Variants in DRC3 observed in about 807,000 individuals in gnomAD.
DRC3 encodes the protein dynein regulatory complex subunit 3.
A neutral mutation model predicts 57.6 loss-of-function variants in DRC3; 45 were observed. The ratio of observed to expected loss-of-function variants is 0.78; its 90% confidence interval spans 0.62 to 1.00. The LOEUF (loss-of-function observed/expected upper bound fraction) is 1.00, where lower values mean the gene tolerates loss of function less well. Ranked by LOEUF, DRC3 falls within the 50% of genes least tolerant of loss-of-function variation. The pLI, the probability that DRC3 is intolerant of heterozygous loss-of-function variation, is 0.00. For synonymous variants in DRC3, 257 were observed against 272.3 expected (o/e 0.94, Z 0.55); for missense variants, 655 against 675.2 (o/e 0.97, Z 0.33).
chr17:18,000,209 T>C (rs2043655213), intron 9 of DRC3, among the ~76,000 whole-genome samples: 1 of 150,866 alleles, frequency 6.6e-6, no homozygotes. Flanking sequence ...TGTGTGTGTG[T>C]GTGCATAGCA....
intron 12 of DRC3, among the ~76,000 whole-genome samples, chr17:18,013,648 G>A (rs2044248246): frequency 6.6e-6 from 1 of 152,202 alleles, no homozygotes. Flanking sequence ...AGGGTAGAGA[G>A]ATGGAGGAAT....
chr17:18,005,873 G>A (rs1254074319), intron 10 of DRC3: 4 of 362,800 alleles, frequency 1.1e-5, no homozygotes, highest in East Asian at 5.4e-5. Context: ...AAGGAGAGGG[G>A]GTTGGCTGTG....
intron 3 of DRC3, among the ~76,000 whole-genome samples, chr17:17,982,700 A>G (rs1221923280): frequency 1.4e-5 from 2 of 140,978 alleles, no homozygotes; most frequent in Non-Finnish European, 1.5e-5. Flanking sequence ...TCAGCCTCCC[A>G]AGTAGCTGGG....
chr17:17,996,842 T>C (rs1325453658), intron 8 of DRC3, among the ~76,000 whole-genome samples: 3 of 152,186 alleles, frequency 2.0e-5, no homozygotes, highest in Non-Finnish European at 4.4e-5. Context: ...CAAGGTCCTG[T>C]AGGCTTTACC....
At chr17:18,004,644 GTT>G (rs1345398085) in intron 10 of DRC3, 150 bp downstream of exon 10, 4 of 766,182 alleles carry the variant, frequency 5.2e-6, no homozygotes, top group Admixed American at 5.9e-5. Flanking sequence ...CATCAGTCCT[GTT>G]TGCTTTTATT....
chr17:17,982,149 C>T (rs926041813), intron 3 of DRC3, among the ~76,000 whole-genome samples: 1 of 152,056 alleles, frequency 6.6e-6, no homozygotes, highest in African/African-American at 2.4e-5. Flanking sequence ...CGTGTCACCA[C>T]GCCCAACTAA....
At chr17:17,999,931 C>T (rs563940532) in intron 9 of DRC3, among the ~76,000 whole-genome samples, 17 of 149,674 alleles carry the variant, frequency 1.1e-4, no homozygotes, top group Non-Finnish European at 1.8e-4. Context: ...TGTGTGTGTG[C>T]GTGCGTGCAC....
rs775329671 is a variant in DRC3 at position 17,999,662 on chromosome 17, C to T, written c.999+2028C>T. Among the ~76,000 whole-genome samples the T allele has an allele frequency of 5.9e-5, 9 of 152,324 alleles. No homozygotes were observed. In the South Asian group the frequency reaches 1.9e-3, roughly 32 times the overall value. On this transcript the variant is annotated intron_variant, in intron 9 of 13. Coordinates refer to ENST00000399187, the MANE Select transcript of DRC3 (RefSeq NM_031294.4). Reference sequence around the variant, plus strand: ...CTCAGGCAGACTCCTCACTGGTGACCCAGAGACACATTATTGACCCTCTCC... The same window carrying T: ...CTCAGGCAGACTCCTCACTGGTGACTCAGAGACACATTATTGACCCTCTCC...
At chr17:18,002,309 T>C (rs1216635197) in intron 9 of DRC3, among the ~76,000 whole-genome samples, 1 of 152,198 alleles carries the variant, frequency 6.6e-6, no homozygotes, top group African/African-American at 2.4e-5. Flanking sequence ...AGGGTAGCTA[T>C]TATTATGTCA....
At chr17:17,983,776 G>C in intron 3 of DRC3, 52 bp from the exon 4 acceptor site, 1 of 1,345,404 alleles carries the variant, frequency 7.4e-7, no homozygotes, top group South Asian at 1.2e-5. Context: ...CTGTACACTA[G>C]CACAAAACTC....
intron 8 of DRC3, chr17:17,995,457 T>A: frequency 9.2e-6 from 2 of 217,030 alleles, no homozygotes; most frequent in Non-Finnish European, 1.9e-5. Context: ...CTGGCATTTA[T>A]TGTTTTCTCA....
At chr17:17,977,859 A>G in intron 3 of DRC3, 101 bp downstream of exon 3, 1 of 1,282,068 alleles carries the variant, frequency 7.8e-7, no homozygotes, top group Non-Finnish European at 1.1e-6. Flanking sequence ...TCCACGGTCG[A>G]GGTTCCCACA....
At chr17:17,981,388 T>C (rs1409098165) in intron 3 of DRC3, 2 of 182,854 alleles carry the variant, frequency 1.1e-5, no homozygotes, top group Non-Finnish European at 2.5e-5. Flanking sequence ...CCAGCTGTGG[T>C]CATTGTAGAC....
In DRC3 at chr17:17,977,659, G is replaced by A. The variant is rs1335904324; in HGVS notation, c.61G>A (p.Ala21Thr). 1 of 1,613,866 alleles carries A rather than the reference G, an allele frequency of 6.2e-7. No homozygotes were observed. Among genetic ancestry groups the A allele is most frequent in the Non-Finnish European group, 8.5e-7 (1 of 1,179,884 alleles). Residue 21 changes from alanine (A) to threonine (T), a missense_variant, in exon 3 of 14, where the codon GCC becomes ACC. Ala to Thr is a moderately conservative substitution (Grantham distance 58). Transcript: ENST00000399187. ...GATGGACGATGACATGCTCAAGCTG[G>A]CCGTCGGGGACCAGGGCCCCCAGGA... ...RVMDDDMLKL[A>T]VGDQGPQEEA...
rs148107258 is a variant in DRC3, at chr17:18,004,387, T to C, written c.1024T>C (p.Leu342=). 5.6e-6 allele frequency: 9 copies of C among 1,606,014 alleles called. No homozygotes were observed. Among genetic ancestry groups the C allele is most frequent in the South Asian group, 3.4e-5 (3 of 89,408 alleles). The change falls in exon 10 of 14, where the codon TTG becomes CTG. Residue 342 remains leucine, a synonymous_variant. Transcript: ENST00000399187. The part of the protein sequence containing the change: ...LSSLSAIREE[L]ELPNIEKMIL... The stretch of plus-strand genomic sequence containing the variant: ...GAGTTTAAGTGCCATTCGAGAGGAG[T>C]TGGAACTGCCCAACATTGAGAAGAT...
chr17:18,005,856 A>C (rs2043929424), intron 10 of DRC3: 1 of 319,988 alleles, frequency 3.1e-6, no homozygotes, highest in Non-Finnish European at 6.0e-6. Flanking sequence ...TGTCACTGGG[A>C]AACCCAAAGG....
At chr17:18,010,879 C>G in intron 12 of DRC3, 1 of 360,442 alleles carries the variant, frequency 2.8e-6, no homozygotes, top group South Asian at 2.3e-5. Flanking sequence ...TCTCTTCTCC[C>G]CGCCCATCAA....
In DRC3 at chr17:18,006,976, C is replaced by T. The variant is rs371243472; in HGVS notation, c.1203-48C>T. 5.0e-5 allele frequency: 80 copies of T among 1,607,552 alleles called. No individual in the cohort carries two copies. In the African/African-American group the frequency reaches 8.7e-4, roughly 18 times the overall value. ...TCCCGCCGTCTGAGAGCATCAGGGACGCGCCGGGCCTGCTCCTCCCGGGCC... is the reference window on the plus strand; with the variant it reads ...TCCCGCCGTCTGAGAGCATCAGGGATGCGCCGGGCCTGCTCCTCCCGGGCC... On this transcript the variant is annotated intron_variant, in intron 11 of 13. Transcript: ENST00000399187.
intron 12 of DRC3, chr17:18,011,281 C>T: frequency 9.4e-6 from 3 of 317,940 alleles, no homozygotes; most frequent in Admixed American, 4.6e-5. Flanking sequence ...AAAGATTATG[C>T]CAGTGCAGAA....
Sources: gnomAD v4.1 joint callset for allele counts (sites outside exome capture counted in the v4.1 genomes callset) on GRCh38, gnomAD v4.1.1 for gene constraint, MANE v1.5 for transcripts, NCBI Gene and HGNC (gene_info 2026-07-23, HGNC 2026-07-21) for gene names.